The following CGB7 variants were observed in gnomAD, a reference collection of about 807,000 sequenced individuals.
CGB7 encodes choriogonadotropin subunit beta 7.
In CGB7, 6 loss-of-function variants were observed where a neutral mutation model predicts 7.3. The ratio of observed to expected loss-of-function variants is 0.82; its 90% CI spans 0.45 to 1.62. The LOEUF (loss-of-function observed/expected upper bound fraction) is 1.62, where lower values mean the gene tolerates loss of function less well. CGB7 is among the 40% of genes most tolerant of loss of function. The probability of loss-of-function intolerance (pLI) is 0.01; values close to 1 mark genes in which losing one functional copy is unlikely to be tolerated. For synonymous variants in CGB7, 47 were observed against 100.8 expected (o/e 0.47, Z 3.20); for missense variants, 114 against 236.2 (o/e 0.48, Z 3.39).
chr19:49,054,313 T>C lies in CGB7; in HGVS notation c.476A>G (p.Asp159Gly), dbSNP rs767906155. 29 of 1,601,892 alleles carry C rather than the reference T, an allele frequency of 1.8e-5. No homozygotes were observed. Among genetic ancestry groups the C allele is most frequent in the Non-Finnish European group, 2.5e-5 (29 of 1,175,050 alleles). Residue 159 changes from aspartate to glycine, a missense_variant, in exon 5 of 5, where the codon GAC becomes GGC. Asp to Gly is a moderately conservative substitution (Grantham distance 94). Transcript: ENST00000684222. ...PSPSRLPGPSDTPILPQ is the reference protein window; with the variant it reads ...PSPSRLPGPSGTPILPQ ...CCTTTATTGTGGGAGGATCGGGGTG[T>C]CTGAGGGCCCCGGGAGTCGGGATGG...
rs529260542 is a variant in CGB7, at chr19:49,057,335, T to C, written c.-1348-87A>G. On this transcript the variant is annotated intron_variant, in intron 1 of 4. Coordinates refer to ENST00000684222, the MANE Select transcript of CGB7 (RefSeq NM_001385261.1). Reference sequence around the variant, plus strand: ...CTGGGTCCCGAGTTCAGAATCCCTCTCCTTCGGCCTCGACAGCCATGACGG... The same window carrying C: ...CTGGGTCCCGAGTTCAGAATCCCTCCCCTTCGGCCTCGACAGCCATGACGG... 90 of 1,453,940 alleles carry C rather than the reference T, an allele frequency of 6.2e-5. No individual in the cohort carries two copies. The South Asian group carries it at 1.2e-3, about 19-fold the overall frequency. The allele number at this position is 1,453,940 out of a possible 1,614,324, so 90.1% of individuals were successfully genotyped here. A position where few individuals can be genotyped will look rare whatever the true frequency, so the allele number is the denominator to read the frequency against.
Position 49,056,528 on chromosome 19 carries a change from G to T in CGB7, c.-1153C>A. ...TGCCGCTGCGGGTCGTGACTCCAGA[G>T]TTGGGGCGTCTCTTCTAAGCTCCAG... On this transcript the variant is annotated 5_prime_UTR_variant, in exon 3 of 5. Coordinates refer to ENST00000684222, the MANE Select transcript of CGB7 (RefSeq NM_001385261.1). The T allele has an allele frequency of 7.7e-7, 1 of 1,303,256 alleles. No homozygotes were observed. Among genetic ancestry groups the T allele is most frequent in the Non-Finnish European group, 1.0e-6 (1 of 998,162 alleles). The allele number at this position is 1,303,256 out of a possible 1,614,324, so 80.7% of individuals were successfully genotyped here.
rs1429249336 is a variant in CGB7, at chr19:49,056,206, C to T, written c.-831G>A. ...TCCGACACCGCGTAGTGAGCGGCTG[C>T]CCAGAGCTCTGCTCCGCCCCCACGC... is the stretch of plus-strand genomic sequence containing the variant. On this transcript the variant is annotated 5_prime_UTR_variant, in exon 3 of 5. Coordinates refer to ENST00000684222, the MANE Select transcript of CGB7 (RefSeq NM_001385261.1). 4 of 1,279,674 alleles carry T rather than the reference C, an allele frequency of 3.1e-6. No homozygotes were observed. The South Asian group carries it at 3.7e-5, about 12-fold the overall frequency. 79.3% of individuals were successfully genotyped at this position (1,279,674 alleles called of 1,614,324 possible). A position where few individuals can be genotyped will look rare whatever the true frequency, so the allele number is the denominator to read the frequency against.
Position 49,056,121 on chromosome 19 carries a change from G to T in CGB7, c.-746C>A. ...GATCCAGCCGCAGCTGAGTGGGCGT[G>T]TCTGGGCTAGTCCTGTCCCCACACT... On this transcript the variant is annotated 5_prime_UTR_variant, in exon 3 of 5. Transcript: ENST00000684222. 8.4e-7 allele frequency: 1 copy of T among 1,190,072 alleles called. No homozygotes were observed. The highest frequency in any genetic ancestry group is 1.1e-6 in the Non-Finnish European group (1 of 939,476). 73.7% of individuals were successfully genotyped at this position (1,190,072 alleles called of 1,614,324 possible).
chr19:49,055,862 C>T lies in CGB7; in HGVS notation c.-487G>A. ...AGAGGGTCTCCCCGTGACTGTGCTG[C>T]CAGGGAAGCCACTTGACCCAGATGC... On this transcript the variant is annotated 5_prime_UTR_variant, in exon 3 of 5. Transcript: ENST00000684222. 3 of 1,086,402 alleles carry T rather than the reference C, an allele frequency of 2.8e-6. No homozygotes were observed. The highest frequency in any genetic ancestry group is 3.4e-6 in the Non-Finnish European group (3 of 887,836). 67.3% of individuals were successfully genotyped at this position (1,086,402 alleles called of 1,614,324 possible).
rs1234035324 is a variant in CGB7, at chr19:49,056,289, A to C, written c.-914T>G. On this transcript the variant is annotated 5_prime_UTR_variant, in exon 3 of 5. Transcript: ENST00000684222. ...CAGGCTCCCACTAGCCCCGGCTTAC[A>C]GCGGCCTGAGCGGGAGTTCTCGGTG... 30 of 1,291,360 alleles carry C rather than the reference A, an allele frequency of 2.3e-5. No homozygotes were observed. Among genetic ancestry groups the C allele is most frequent in the Non-Finnish European group, 2.8e-5 (28 of 990,028 alleles). The allele number at this position is 1,291,360 out of a possible 1,614,324, so 80.0% of individuals were successfully genotyped here.
Position 49,055,345 on chromosome 19 carries a change from G to T in CGB7, c.15+16C>A, listed in dbSNP as rs200788764. On this transcript the variant is annotated intron_variant, in intron 3 of 4. Coordinates refer to ENST00000684222, the MANE Select transcript of CGB7 (RefSeq NM_001385261.1). ...TGGAAGGAGGTGGAAGGTGCCCAGGGGCCCTGCAGTCTTACCTGGAACATC... is the reference window on the plus strand; with the variant it reads ...TGGAAGGAGGTGGAAGGTGCCCAGGTGCCCTGCAGTCTTACCTGGAACATC... 3 of 1,612,682 alleles carry T rather than the reference G, an allele frequency of 1.9e-6. No individual in the cohort carries two copies. Among genetic ancestry groups the T allele is most frequent in the Non-Finnish European group, 2.5e-6 (3 of 1,179,736 alleles).
rs1011602289 is a variant in CGB7, at chr19:49,056,663, T to A, written c.-1220-68A>T. 4.7e-5 allele frequency: 55 copies of A among 1,181,414 alleles called. No individual in the cohort carries two copies. In the African/African-American group the frequency reaches 7.8e-4, roughly 17 times the overall value. 73.2% of individuals were successfully genotyped at this position (1,181,414 alleles called of 1,614,324 possible). ...TGGGGACGAGTTTCAGACCTCGGGA[T>A]CTAAGGAGTCTGCACATTCAAACTC... On this transcript the variant is annotated intron_variant, in intron 2 of 4. Transcript: ENST00000684222.
At chr19:49,056,830 C>T (rs762113457) in intron 2 of CGB7, among the ~76,000 whole-genome samples, 1 of 152,170 alleles carries the variant, frequency 6.6e-6, no homozygotes, top group Non-Finnish European at 1.5e-5. Context: ...CGCTTCCTTG[C>T]GAAGGAGCAT....
At position 49,056,085 on chromosome 19, in the gene CGB7, C is replaced by A; in HGVS notation, c.-710G>T. On this transcript the variant is annotated 5_prime_UTR_variant, in exon 3 of 5. Transcript: ENST00000684222. The stretch of plus-strand genomic sequence containing the variant: ...TCGGAGGACATTGTCTGGACTTAGT[C>A]CCTTCCCCGCGATCCAGCCGCAGCT... 4.2e-6 allele frequency: 5 copies of A among 1,181,458 alleles called. No homozygotes were observed. The highest frequency in any genetic ancestry group is 1.6e-5 in the African/African-American group (1 of 62,500). 73.2% of individuals were successfully genotyped at this position (1,181,458 alleles called of 1,614,324 possible). A position where few individuals can be genotyped will look rare whatever the true frequency, so the allele number is the denominator to read the frequency against.
rs2040080298 is a variant in CGB7 at position 49,057,431 on chromosome 19, T to C, written c.-1349+31A>G. ...CCCACGCCAGGGAACTTCAGCTTCC[T>C]TTCTCATACCCGAACCCTTCCCAGC... On this transcript the variant is annotated intron_variant, in intron 1 of 4. Coordinates refer to ENST00000684222, the MANE Select transcript of CGB7 (RefSeq NM_001385261.1). The C allele has an allele frequency of 3.7e-6, 5 of 1,369,308 alleles. No homozygotes were observed. The South Asian group carries it at 7.6e-5, about 21-fold the overall frequency. 84.8% of individuals were successfully genotyped at this position (1,369,308 alleles called of 1,614,324 possible).
chr19:49,055,255 C>T (rs1274217128), intron 3 of CGB7, 106 bp downstream of exon 3: 1 of 1,605,698 alleles, frequency 6.2e-7, no homozygotes, highest in Non-Finnish European at 8.5e-7. Flanking sequence ...GGGTCACGCT[C>T]CTCCAGAAAG....
In CGB7 at chr19:49,056,362, G is replaced by C. The variant is rs1169447586; in HGVS notation, c.-987C>G. Reference sequence around the variant, plus strand: ...GTATGCCCGGCAGGGGCTTCCAGTGGGGGCCACCCCAAGTCGCCTCCAGCG... The same window carrying C: ...GTATGCCCGGCAGGGGCTTCCAGTGCGGGCCACCCCAAGTCGCCTCCAGCG... On this transcript the variant is annotated 5_prime_UTR_variant, in exon 3 of 5. Coordinates refer to ENST00000684222, the MANE Select transcript of CGB7 (RefSeq NM_001385261.1). 3.1e-6 allele frequency: 4 copies of C among 1,295,684 alleles called. No individual in the cohort carries two copies. The highest frequency in any genetic ancestry group is 1.2e-5 in the South Asian group (1 of 81,934). The allele number at this position is 1,295,684 out of a possible 1,614,324, so 80.3% of individuals were successfully genotyped here. A position where few individuals can be genotyped will look rare whatever the true frequency, so the allele number is the denominator to read the frequency against.
chr19:49,055,589 C>G lies in CGB7; in HGVS notation c.-214G>C, dbSNP rs560836227. The stretch of plus-strand genomic sequence containing the variant: ...TCTAGCGCCAAGGATGAGGCGGAGA[C>G]CACGGTGAAGTGACCTCTGAGACTC... On this transcript the variant is annotated 5_prime_UTR_variant, in exon 3 of 5. Coordinates refer to ENST00000684222, the MANE Select transcript of CGB7 (RefSeq NM_001385261.1). 4.1e-6 allele frequency: 6 copies of G among 1,475,530 alleles called. No homozygotes were observed. The highest frequency in any genetic ancestry group is 5.4e-6 in the Non-Finnish European group (6 of 1,114,952). The allele number at this position is 1,475,530 out of a possible 1,614,324, so 91.4% of individuals were successfully genotyped here.
In CGB7 at chr19:49,056,397, G is replaced by C; in HGVS notation, c.-1022C>G. On this transcript the variant is annotated 5_prime_UTR_variant, in exon 3 of 5. Transcript: ENST00000684222. ...CAAGTCGCCTCCAGCGGGCGGAAGC[G>C]GTCGAGCCGGCGGAGCGGGTGCGGC... is the stretch of plus-strand genomic sequence containing the variant. The C allele has an allele frequency of 7.7e-7, 1 of 1,296,024 alleles. No homozygotes were observed. The highest frequency in any genetic ancestry group is 1.0e-6 in the Non-Finnish European group (1 of 992,740). 80.3% of individuals were successfully genotyped at this position (1,296,024 alleles called of 1,614,324 possible).
rs534687716 is a variant in CGB7, at chr19:49,057,240, G to A, written c.-1340C>T. 3.2e-4 allele frequency: 497 copies of A among 1,533,262 alleles called. No homozygotes were observed. Among genetic ancestry groups the A allele is most frequent in the Non-Finnish European group, 3.6e-4 (414 of 1,145,848 alleles). 95.0% of individuals were successfully genotyped at this position (1,533,262 alleles called of 1,614,324 possible). A position where few individuals can be genotyped will look rare whatever the true frequency, so the allele number is the denominator to read the frequency against. On this transcript the variant is annotated 5_prime_UTR_variant, in exon 2 of 5. Transcript: ENST00000684222. ...ACAGCGCGGGGTTCTTCGTGCAGGCGATTAGAGCCTGAGCAAGATTGGGGG... is the reference window on the plus strand; with the variant it reads ...ACAGCGCGGGGTTCTTCGTGCAGGCAATTAGAGCCTGAGCAAGATTGGGGG...
In CGB7 at chr19:49,055,591, A is replaced by G. The variant is rs1347187370; in HGVS notation, c.-216T>C. On this transcript the variant is annotated 5_prime_UTR_variant, in exon 3 of 5. Transcript: ENST00000684222. ...TAGCGCCAAGGATGAGGCGGAGACC[A>G]CGGTGAAGTGACCTCTGAGACTCAG... 6.8e-7 allele frequency: 1 copy of G among 1,470,652 alleles called. No homozygotes were observed. Among genetic ancestry groups the G allele is most frequent in the Non-Finnish European group, 9.0e-7 (1 of 1,112,734 alleles). 91.1% of individuals were successfully genotyped at this position (1,470,652 alleles called of 1,614,324 possible).
rs1369381956 is a variant in CGB7, at chr19:49,057,476, G to A, written c.-1363C>T. 1 of 1,278,814 alleles carries A rather than the reference G, an allele frequency of 7.8e-7. No individual in the cohort carries two copies. The highest frequency in any genetic ancestry group is 1.5e-5 in the African/African-American group (1 of 64,906). The allele number at this position is 1,278,814 out of a possible 1,614,324, so 79.2% of individuals were successfully genotyped here. On this transcript the variant is annotated 5_prime_UTR_variant, in exon 1 of 5. Transcript: ENST00000684222. ...CCCAGCCTCACCTCCCTAAATCCAA[G>A]CCCTCCTGCTGGTCAAGGAACTCAA...
rs2040082665 is a variant in CGB7, at chr19:49,057,612, C to G, written c.-1499G>C. On this transcript the variant is annotated 5_prime_UTR_variant, in exon 1 of 5. Coordinates refer to ENST00000684222, the MANE Select transcript of CGB7 (RefSeq NM_001385261.1). ...ATCTTGGGCAACAACTCCAGGTTACCTCTCCTAACTCCCACCCTACCACGT... is the reference window on the plus strand; with the variant it reads ...ATCTTGGGCAACAACTCCAGGTTACGTCTCCTAACTCCCACCCTACCACGT... 8.5e-7 allele frequency: 1 copy of G among 1,174,168 alleles called. No homozygotes were observed. Among genetic ancestry groups the G allele is most frequent in the Non-Finnish European group, 1.1e-6 (1 of 945,648 alleles). The allele number at this position is 1,174,168 out of a possible 1,614,324, so 72.7% of individuals were successfully genotyped here. A position where few individuals can be genotyped will look rare whatever the true frequency, so the allele number is the denominator to read the frequency against.
Sources: allele counts gnomAD v4.1 joint callset (sites outside exome capture counted in the v4.1 genomes callset), GRCh38; gene constraint gnomAD v4.1.1; transcripts MANE v1.5; gene names NCBI Gene and HGNC (gene_info 2026-07-23, HGNC 2026-07-21).